Variants in UNC13C observed in about 807,000 individuals in gnomAD.
The protein encoded by UNC13C is unc-13 homolog C, also known as protein unc-13 homolog C.
Under a neutral mutation model 245.4 loss-of-function variants are expected in UNC13C, and 174 were observed. That is an observed-to-expected ratio of 0.71 (90% CI 0.63 to 0.80). The LOEUF is 0.80. Among genes scored for constraint, UNC13C ranks in the 30% least tolerant of loss-of-function variants. UNC13C has a pLI of 0.00. For missense variants in UNC13C, 2,829 were observed against 2,602.9 expected (o/e 1.09, Z -1.89); for synonymous variants, 992 against 895.1 (o/e 1.11, Z -1.93).
At chr15:54,200,552 A>G (rs2034491285) in intron 4 of UNC13C, among the ~76,000 whole-genome samples, 1 of 152,118 alleles carries the variant, frequency 6.6e-6, no homozygotes, top group South Asian at 2.1e-4. Flanking sequence ...TGGAAATGAA[A>G]TAACCTGCTC....
intron 19 of UNC13C, among the ~76,000 whole-genome samples, chr15:54,422,504 T>G (rs1403871015): frequency 1.3e-5 from 2 of 152,034 alleles, no homozygotes; most frequent in African/African-American, 4.8e-5. Flanking sequence ...TGGCGTATAA[T>G]GTAGCATGTA....
intron 4 of UNC13C, among the ~76,000 whole-genome samples, chr15:54,222,246 A>T (rs1034764083): frequency 6.6e-6 from 1 of 151,036 alleles, no homozygotes; most frequent in Admixed American, 6.6e-5. Context: ...TCCTCCACCC[A>T]CCCCTACCCT....
At chr15:53,904,825 C>A in the UNC13C span, among the ~76,000 whole-genome samples, 2 of 152,118 alleles carry the variant, frequency 1.3e-5, no homozygotes, top group Non-Finnish European at 2.9e-5. Context: ...GGGCAAGTTA[C>A]TTAGCCTTTA....
At chr15:53,859,341 A>G in the UNC13C span, among the ~76,000 whole-genome samples, 2 of 152,160 alleles carry the variant, frequency 1.3e-5, no homozygotes, top group Non-Finnish European at 2.9e-5. Flanking sequence ...AAAATTACAA[A>G]TATGAATGCA....
At chr15:54,288,364 G>A (rs1233848456) in intron 10 of UNC13C, among the ~76,000 whole-genome samples, 3 of 152,100 alleles carry the variant, frequency 2.0e-5, no homozygotes, top group Admixed American at 1.3e-4. Context: ...TGTGAAAGGT[G>A]AAAGTAAATT....
chr15:53,841,749 G>T, the UNC13C span, among the ~76,000 whole-genome samples: 64 of 152,108 alleles, frequency 4.2e-4, no homozygotes, highest in African/African-American at 1.4e-3. Context: ...GATCGTCAGG[G>T]GTCTCATGTG....
chr15:53,847,078 A>T, the UNC13C span, among the ~76,000 whole-genome samples: 1 of 152,156 alleles, frequency 6.6e-6, no homozygotes, highest in African/African-American at 2.4e-5. Context: ...GAACAACAAC[A>T]ACAACAAAAA....
chr15:54,599,492 A>G (rs1361721703), intron 30 of UNC13C, among the ~76,000 whole-genome samples: 1 of 151,996 alleles, frequency 6.6e-6, no homozygotes, highest in Non-Finnish European at 1.5e-5. Context: ...GTGGATAAAA[A>G]TGGTAAGATC....
chr15:54,096,771 A>G (rs1256791113), intron 2 of UNC13C, among the ~76,000 whole-genome samples: 2 of 152,178 alleles, frequency 1.3e-5, no homozygotes, highest in Non-Finnish European at 2.9e-5. Context: ...CAGCAGCAGA[A>G]TAAAGCTTGA....
intron 1 of UNC13C, among the ~76,000 whole-genome samples, chr15:53,986,845 T>G (rs987958734): frequency 3.9e-5 from 6 of 151,978 alleles, no homozygotes; most frequent in African/African-American, 1.4e-4. Context: ...CAAATAAATT[T>G]GTTACTATAT....
intron 26 of UNC13C, among the ~76,000 whole-genome samples, chr15:54,538,133 C>CAAAAAAAAAAAAAAAAACAAA (rs1896067852): frequency 9.8e-5 from 1 of 10,236 alleles, no homozygotes; most frequent in Non-Finnish European, 2.4e-4. Context: ...CATTAACAAG[C>CAAAAAAAAAAAAAAAAACAAA]AAAAAAAAAA....
chr15:54,250,284 C>G lies in UNC13C; in HGVS notation c.3288C>G (p.Ile1096Met), dbSNP rs1352129218. 2.5e-6 allele frequency: 4 copies of G among 1,613,984 alleles called. No homozygotes were observed. In the East Asian group the frequency reaches 6.7e-5, roughly 27 times the overall value. ...QALIYPMSST[I>M]PHNFEVWTAT... ...TGATCTACCCTATGTCTTCTACCAT[C>G]CCACACAATTTTGAGGTCTGGACGG... The change falls in exon 8 of 33, where the codon ATC (isoleucine) becomes ATG (methionine). Residue 1096 changes from isoleucine (I) to methionine (M), a missense_variant. Transcript: ENST00000260323.
At chr15:54,150,458 T>C (rs2032467608) in intron 4 of UNC13C, among the ~76,000 whole-genome samples, 1 of 152,308 alleles carries the variant, frequency 6.6e-6, no homozygotes, top group Admixed American at 6.5e-5. Context: ...AGCAAGCACA[T>C]AATGTCCTAT....
intron 17 of UNC13C, among the ~76,000 whole-genome samples, chr15:54,363,113 T>C (rs2039274459): frequency 6.6e-6 from 1 of 152,182 alleles, no homozygotes; most frequent in Non-Finnish European, 1.5e-5. Flanking sequence ...GTTTGTTTTG[T>C]TTGCTTGTTT....
chr15:54,383,733 T>C (rs894339313), intron 17 of UNC13C, among the ~76,000 whole-genome samples: 8 of 152,070 alleles, frequency 5.3e-5, no homozygotes, highest in African/African-American at 1.9e-4. Context: ...ACTGTCCCTT[T>C]TTGTAAATGA....
intron 19 of UNC13C, among the ~76,000 whole-genome samples, chr15:54,468,102 T>C (rs1892276971): frequency 1.3e-5 from 2 of 151,734 alleles, no homozygotes. Flanking sequence ...GGTCCACTTT[T>C]ATCCACATTT....
intron 10 of UNC13C, among the ~76,000 whole-genome samples, chr15:54,287,365 G>A (rs79683670): frequency 0.053 from 8,068 of 152,154 alleles, 699 homozygotes; most frequent in African/African-American, 0.18. Context: ...ACTAATAAGA[G>A]TTCTTAAACT....
At chr15:54,336,492 T>C (rs1288030408) in intron 16 of UNC13C, among the ~76,000 whole-genome samples, 1 of 84,550 alleles carries the variant, frequency 1.2e-5, no homozygotes, top group Non-Finnish European at 3.0e-5. Context: ...ACTTTATCAT[T>C]TTTTTTTTCT....
At chr15:54,435,283 A>G (rs1848555848) in intron 19 of UNC13C, among the ~76,000 whole-genome samples, 1 of 152,170 alleles carries the variant, frequency 6.6e-6, no homozygotes, top group African/African-American at 2.4e-5. Flanking sequence ...ATGCACACAT[A>G]TGTTTATTGC....
Sources: allele counts gnomAD v4.1 joint callset (sites outside exome capture counted in the v4.1 genomes callset), GRCh38; gene constraint gnomAD v4.1.1; transcripts MANE v1.5; gene names NCBI Gene and HGNC (gene_info 2026-07-23, HGNC 2026-07-21).